NRP1: variants seen among roughly 807,000 people sequenced by gnomAD.
NRP1 encodes the protein neuropilin 1.
A neutral mutation model predicts 106.7 loss-of-function variants in NRP1; 35 were observed. The observed-to-expected ratio is 0.33, with a 90% confidence interval of 0.25 to 0.43. The LOEUF (loss-of-function observed/expected upper bound fraction) is 0.43, where lower values mean the gene tolerates loss of function less well. Ranked by LOEUF, NRP1 falls within the 20% of genes least tolerant of loss-of-function variation. The probability of loss-of-function intolerance (pLI) is 1.00; values close to 1 mark genes in which losing one functional copy is unlikely to be tolerated. For missense variants in NRP1, 1,024 were observed against 1,170.4 expected, an observed-to-expected ratio of 0.87 and a Z score of 1.83; for synonymous variants, 437 against 417.9, an observed-to-expected ratio of 1.05 and a Z score of -0.56.
chr10:33,315,989 C>A (rs1847004261), intron 2 of NRP1, among the ~76,000 whole-genome samples: 1 of 152,136 alleles, frequency 6.6e-6, no homozygotes. Context: ...AGAGAGAAGG[C>A]CTTATCTGCC....
At chr10:33,195,566 G>A (rs370353347) in intron 12 of NRP1, 7 of 533,286 alleles carry the variant, frequency 1.3e-5, no homozygotes, top group Non-Finnish European at 2.7e-5. Flanking sequence ...GATGCTTGAA[G>A]AATCTGGAGC....
intron 1 of NRP1, among the ~76,000 whole-genome samples, chr10:33,332,243 G>A (rs1848333930): frequency 6.6e-6 from 1 of 152,176 alleles, no homozygotes; most frequent in African/African-American, 2.4e-5. Context: ...GGTTTCCTTT[G>A]CACTGGCTTG....
At position 33,186,383 on chromosome 10, in the gene NRP1, G is replaced by T. The variant is rs1433776872; in HGVS notation, c.2168C>A (p.Thr723Asn). The T allele has an allele frequency of 6.2e-6, 10 of 1,614,172 alleles. No individual in the cohort carries two copies. The highest frequency in any genetic ancestry group is 2.2e-5 in the South Asian group (2 of 91,084). The change falls in exon 14 of 17, where the codon ACC becomes AAC. Residue 723 changes from threonine (T) to asparagine (N), a missense_variant. Thr to Asn is a moderately conservative substitution (Grantham distance 65, BLOSUM62 0). Coordinates refer to ENST00000374867, the MANE Select transcript of NRP1 (RefSeq NM_003873.7). ...VYSQNSAHCM[T>N]FWYHMSGSHV... ...GGACCCAGACATGTGATACCAGAAG[G>T]TCATGCAGTGGGCAGAGTTCTGGGA...
chr10:33,240,286 C>T (rs1840914402), intron 6 of NRP1, among the ~76,000 whole-genome samples: 1 of 152,192 alleles, frequency 6.6e-6, no homozygotes, highest in Non-Finnish European at 1.5e-5. Context: ...ATAGCATGTA[C>T]AGGTAAGGTG....
At chr10:33,233,840 GC>G (rs1174270418) in intron 6 of NRP1, among the ~76,000 whole-genome samples, 2 of 152,162 alleles carry the variant, frequency 1.3e-5, no homozygotes, top group Non-Finnish European at 2.9e-5. Flanking sequence ...GACACTACAA[GC>G]TAAAGAAAAT....
intron 3 of NRP1, among the ~76,000 whole-genome samples, chr10:33,267,115 C>CT (rs1842979135): frequency 6.6e-6 from 1 of 152,198 alleles, no homozygotes. Context: ...GTGACATGTG[C>CT]TTCCCCTTTG....
chr10:33,257,176 A>G (rs954983572), intron 4 of NRP1, among the ~76,000 whole-genome samples: 5 of 152,210 alleles, frequency 3.3e-5, no homozygotes, highest in South Asian at 2.1e-4. Flanking sequence ...ATAAAAATGC[A>G]TCTGTCTGAC....
At chr10:33,230,635 GTGTA>G (rs1383664624) in intron 6 of NRP1, among the ~76,000 whole-genome samples, 4 of 138,602 alleles carry the variant, frequency 2.9e-5, no homozygotes, top group African/African-American at 8.5e-5. Flanking sequence ...GTGTGTGTGT[GTGTA>G]TGTATCTCCT....
Position 33,330,692 on chromosome 10 carries a change from A to G in NRP1, c.248+16T>C. 1 of 1,605,556 alleles carries G rather than the reference A, an allele frequency of 6.2e-7. No individual in the cohort carries two copies. The highest frequency in any genetic ancestry group is 8.5e-7 in the Non-Finnish European group (1 of 1,174,310). Reference sequence around the variant, plus strand: ...GATGGTGCTGTGGTGCCCTGTTCAAAAACATTCCCACTTACTTGCAGTCTC... The same window carrying G: ...GATGGTGCTGTGGTGCCCTGTTCAAGAACATTCCCACTTACTTGCAGTCTC... On this transcript the variant is annotated intron_variant, in intron 2 of 16. Coordinates refer to ENST00000374867, the MANE Select transcript of NRP1 (RefSeq NM_003873.7).
chr10:33,311,769 T>A (rs1183881518), intron 2 of NRP1, among the ~76,000 whole-genome samples: 1 of 152,216 alleles, frequency 6.6e-6, no homozygotes, highest in Admixed American at 6.5e-5. Context: ...GCACATGTTG[T>A]GATGAATGTT....
At chr10:33,268,609 T>C (rs756710579) in intron 3 of NRP1, among the ~76,000 whole-genome samples, 1 of 152,214 alleles carries the variant, frequency 6.6e-6, no homozygotes, top group Non-Finnish European at 1.5e-5. Flanking sequence ...CAAATCTCTC[T>C]TTTCTCCTTC....
chr10:33,329,604 A>G (rs1335856442), intron 2 of NRP1, among the ~76,000 whole-genome samples: 1 of 152,236 alleles, frequency 6.6e-6, no homozygotes, highest in African/African-American at 2.4e-5. Context: ...GGTTACACCA[A>G]ACTGACCCAC....
chr10:33,213,464 C>T lies in NRP1; in HGVS notation c.1536G>A (p.Met512Ile). ...GGKHRENKVF[M>I]RKFKIGYSNN... The stretch of plus-strand genomic sequence containing the variant: ...TGCTGTACCCGATCTTGAACTTCCT[C>T]ATGAACACCTTGTTCTCTCGGTGCT... The change falls in exon 9 of 17, where the codon ATG becomes ATA. Residue 512 changes from methionine (M) to isoleucine (I), a missense_variant. Met to Ile is a conservative substitution (Grantham distance 10). Around this residue, in one of 5 missense-constraint regions of NRP1, gnomAD observed 562 missense variants for 620.3 expected, o/e 0.91. Transcript: ENST00000374867. 1 of 1,614,084 alleles carries T rather than the reference C, an allele frequency of 6.2e-7. No homozygotes were observed. Among genetic ancestry groups the T allele is most frequent in the Middle Eastern group, 1.6e-4 (1 of 6,062 alleles).
chr10:33,210,921 G>A (rs561849880), intron 9 of NRP1, among the ~76,000 whole-genome samples: 4 of 152,130 alleles, frequency 2.6e-5, no homozygotes, highest in African/African-American at 4.8e-5. Flanking sequence ...TTCTTTTTTC[G>A]TCTTAGAGAT....
At chr10:33,272,431 T>C (rs574337539) in intron 2 of NRP1, among the ~76,000 whole-genome samples, 10 of 152,200 alleles carry the variant, frequency 6.6e-5, no homozygotes, top group African/African-American at 2.4e-4. Context: ...CACAGAGGTA[T>C]TGTTCATTTC....
At chr10:33,259,990 G>A (rs2133217974) in intron 4 of NRP1, among the ~76,000 whole-genome samples, 1 of 152,204 alleles carries the variant, frequency 6.6e-6, no homozygotes, top group East Asian at 1.9e-4. Flanking sequence ...GAAGGGCTGG[G>A]ACTCTAGGCT....
intron 2 of NRP1, among the ~76,000 whole-genome samples, chr10:33,298,265 C>G (rs961357891): frequency 3.3e-5 from 5 of 152,174 alleles, no homozygotes; most frequent in Admixed American, 2.6e-4. Context: ...TCTGTCATCT[C>G]TGCTTCACTG....
At chr10:33,294,355 C>T (rs181554782) in intron 2 of NRP1, among the ~76,000 whole-genome samples, 32 of 152,308 alleles carry the variant, frequency 2.1e-4, no homozygotes, top group South Asian at 1.4e-3. Context: ...CAGTGGCTCA[C>T]GCCTGTAATC....
At chr10:33,268,089 T>G (rs915306397) in intron 3 of NRP1, among the ~76,000 whole-genome samples, 2 of 152,216 alleles carry the variant, frequency 1.3e-5, no homozygotes, top group African/African-American at 4.8e-5. Context: ...ATCCATGAAT[T>G]CTATAATATC....
Sources: allele counts gnomAD v4.1 joint callset (sites outside exome capture counted in the v4.1 genomes callset), GRCh38; gene constraint gnomAD v4.1.1; regional missense constraint gnomAD v4.1.1; transcripts MANE v1.5; gene names NCBI Gene and HGNC (gene_info 2026-07-23, HGNC 2026-07-21).